Variants in TFAP2E observed in about 807,000 individuals in gnomAD.
TFAP2E encodes transcription factor AP-2-epsilon.
Under a neutral mutation model 37.9 loss-of-function variants are expected in TFAP2E, and 30 were observed. The observed-to-expected ratio is 0.79, with a 90% CI of 0.59 to 1.07. The LOEUF (loss-of-function observed/expected upper bound fraction) is 1.07. TFAP2E is among the 50% of genes least tolerant of loss of function. The probability of loss-of-function intolerance (pLI) is 0.00; values close to 1 mark genes in which losing one functional copy is unlikely to be tolerated. For synonymous variants in TFAP2E, 318 were observed against 295.8 expected (o/e 1.08, Z -0.77); for missense variants, 567 against 637.9 (o/e 0.89, Z 1.20).
At chr1:35,593,732 C>G (rs183244498) in intron 6 of TFAP2E, among the ~76,000 whole-genome samples, 1 of 152,254 alleles carries the variant, frequency 6.6e-6, no homozygotes, top group Non-Finnish European at 1.5e-5. Context: ...CATGGTGACA[C>G]AAAGATGAAT....
Position 35,586,472 on chromosome 1 carries a change from G to A in TFAP2E, c.563-1858G>A, listed in dbSNP as rs79262922. Among the ~76,000 whole-genome samples the A allele has an allele frequency of 9.9e-3, 1,514 of 152,288 alleles. 31 individuals carry two copies. The highest frequency in any genetic ancestry group is 0.035 in the African/African-American group (1,441 of 41,550). The stretch of plus-strand genomic sequence containing the variant: ...GGCTGCAGAATGATGCATTCAGATG[G>A]AAAGATCCCTCTGGACTGGGGCAGG... On this transcript the variant is annotated intron_variant, in intron 3 of 6. Coordinates refer to ENST00000373235, the MANE Select transcript of TFAP2E (RefSeq NM_178548.4).
intron 6 of TFAP2E, 35 bp from the exon 7 acceptor site, chr1:35,594,359 T>C (rs1254001380): frequency 6.3e-7 from 1 of 1,598,496 alleles, no homozygotes; most frequent in African/African-American, 1.4e-5. Flanking sequence ...CTCAGACTTT[T>C]GTCCTCCAAC....
chr1:35,591,673 C>G (rs549205220), intron 6 of TFAP2E, among the ~76,000 whole-genome samples: 79 of 152,276 alleles, frequency 5.2e-4, no homozygotes, highest in African/African-American at 1.9e-3. Flanking sequence ...AACTAGTATT[C>G]TATTAAGATT....
intron 3 of TFAP2E, among the ~76,000 whole-genome samples, chr1:35,579,686 C>T (rs892719462): frequency 1.3e-5 from 2 of 152,074 alleles, no homozygotes; most frequent in South Asian, 2.1e-4. Flanking sequence ...TGAGCCACCA[C>T]GCTTGGCCTT....
At chr1:35,581,665 T>C (rs1170273985) in intron 3 of TFAP2E, among the ~76,000 whole-genome samples, 2 of 151,820 alleles carry the variant, frequency 1.3e-5, no homozygotes, top group Admixed American at 6.6e-5. Context: ...CTCTGCCTCC[T>C]GGGTTCAAGT....
rs551288261 is a variant in TFAP2E at position 35,590,832 on chromosome 1, T to C, written c.1046+57T>C. On this transcript the variant is annotated intron_variant, in intron 6 of 6. Coordinates refer to ENST00000373235, the MANE Select transcript of TFAP2E (RefSeq NM_178548.4). The surrounding 1 kb of genome is among the most constrained non-coding windows in gnomAD (Gnocchi z 6.2). ...GGGTGCCATGCACAGACAGACATCATGTATGGGCACAATGGACACCACTGT... is the reference window on the plus strand; with the variant it reads ...GGGTGCCATGCACAGACAGACATCACGTATGGGCACAATGGACACCACTGT... The C allele has an allele frequency of 1.5e-6, 2 of 1,344,876 alleles. No homozygotes were observed. Among genetic ancestry groups the C allele is most frequent in the South Asian group, 2.1e-5 (1 of 47,010 alleles). 83.3% of individuals were successfully genotyped at this position (1,344,876 alleles called of 1,614,324 possible).
Position 35,594,433 on chromosome 1 carries a change from CCGCTCACCGCTGGGCAACA to C in TFAP2E, c.1087_1105del (p.Arg363AlafsTer15), listed in dbSNP as rs1360653077. 1 of 1,614,010 alleles carries C rather than the reference CCGCTCACCGCTGGGCAACA, an allele frequency of 6.2e-7. No individual in the cohort carries two copies. Among genetic ancestry groups the C allele is most frequent in the Non-Finnish European group, 8.5e-7 (1 of 1,180,038 alleles). The stretch of plus-strand genomic sequence containing the variant: ...AGTTTGCAGACTTGATGGCTCAGGA[CCGCTCACCGCTGGGCAACA>C]GCCGCCCAGCACTCATCCTGGAGCC... On this transcript the variant is annotated frameshift_variant, in exon 7 of 7. Transcript: ENST00000373235. LOFTEE classifies it high-confidence loss of function.
chr1:35,580,723 T>A (rs1449793672), intron 3 of TFAP2E, among the ~76,000 whole-genome samples: 1 of 150,870 alleles, frequency 6.6e-6, no homozygotes, highest in Non-Finnish European at 1.5e-5. Flanking sequence ...TGCAGTGAGC[T>A]GAGATTGCGC....
At chr1:35,580,648 G>T (rs1032915264) in intron 3 of TFAP2E, among the ~76,000 whole-genome samples, 25 of 151,962 alleles carry the variant, frequency 1.6e-4, no homozygotes, top group Non-Finnish European at 3.4e-4. Context: ...GGTGGCGGGC[G>T]CCTGTAGTCC....
rs749275483 is a variant in TFAP2E, at chr1:35,594,351, CAG to C, written c.1047-41_1047-40del. On this transcript the variant is annotated intron_variant, in intron 6 of 6. Coordinates refer to ENST00000373235, the MANE Select transcript of TFAP2E (RefSeq NM_178548.4). The stretch of plus-strand genomic sequence containing the variant: ...CATGTAGCAGGTCCTTCTCTGGGCT[CAG>C]ACTTTTGTCCTCCAACCTCTGACCC... 8 of 1,594,824 alleles carry C rather than the reference CAG, an allele frequency of 5.0e-6. No individual in the cohort carries two copies. In the East Asian group the frequency reaches 1.8e-4, roughly 36 times the overall value.
At chr1:35,586,007 C>T (rs143353185) in intron 3 of TFAP2E, among the ~76,000 whole-genome samples, 2,789 of 152,004 alleles carry the variant, frequency 0.018, 97 homozygotes, top group African/African-American at 0.063. Flanking sequence ...TGTGATTGTA[C>T]CACTGTACTC....
chr1:35,593,903 A>G (rs1649755951), intron 6 of TFAP2E, among the ~76,000 whole-genome samples: 1 of 152,224 alleles, frequency 6.6e-6, no homozygotes, highest in African/African-American at 2.4e-5. Context: ...GGGGATAATA[A>G]TAGTATAGAC....
chr1:35,575,033 G>A (rs746863788), intron 3 of TFAP2E, 33 bp downstream of exon 3: 9 of 1,613,342 alleles, frequency 5.6e-6, no homozygotes, highest in African/African-American at 1.3e-5. Context: ...AGAGCCCGGC[G>A]AGATGGTGCA....
intron 3 of TFAP2E, among the ~76,000 whole-genome samples, chr1:35,584,278 T>C (rs913704621): frequency 6.6e-6 from 1 of 152,128 alleles, no homozygotes; most frequent in African/African-American, 2.4e-5. Flanking sequence ...AAAAAAATTT[T>C]TTTTTGTAGA....
chr1:35,594,969 TG>T lies in TFAP2E; in HGVS notation c.*297del, dbSNP rs2148556239. 1 of 453,890 alleles carries T rather than the reference TG, an allele frequency of 2.2e-6. No individual in the cohort carries two copies. Among genetic ancestry groups the T allele is most frequent in the East Asian group, 4.5e-5 (1 of 22,382 alleles). The allele number at this position is 453,890 out of a possible 1,614,324, so 28.1% of individuals were successfully genotyped here. A position where few individuals can be genotyped will look rare whatever the true frequency, so the allele number is the denominator to read the frequency against. On this transcript the variant is annotated 3_prime_UTR_variant, in exon 7 of 7. Coordinates refer to ENST00000373235, the MANE Select transcript of TFAP2E (RefSeq NM_178548.4). Reference sequence around the variant, plus strand: ...AATTGACATGAAAAGATCTGGCTCATGGGGCAGAGCCCTTTCCATTAGCGTG... The same window carrying T: ...AATTGACATGAAAAGATCTGGCTCATGGGCAGAGCCCTTTCCATTAGCGTG...
rs377766083 is a variant in TFAP2E, at chr1:35,577,593, G to A, written c.562+2593G>A. The A allele has an allele frequency of 2.3e-3, 851 of 368,616 alleles. 11 individuals are homozygous for A. The highest frequency in any genetic ancestry group is 7.8e-3 in the South Asian group (409 of 52,372). 22.8% of individuals were successfully genotyped at this position (368,616 alleles called of 1,614,324 possible). ...CGGCGGCTGCGTCGCTGAAGGTTGG[G>A]GTCCTTGGTGCGAAAGGGAGGCAGC... On this transcript the variant is annotated intron_variant, in intron 3 of 6. Coordinates refer to ENST00000373235, the MANE Select transcript of TFAP2E (RefSeq NM_178548.4). This position sits in a 1 kb window ranked among gnomAD's most constrained non-coding sequence, Gnocchi z 6.3.
intron 3 of TFAP2E, among the ~76,000 whole-genome samples, chr1:35,579,325 G>A (rs537965658): frequency 4.0e-5 from 6 of 151,892 alleles, no homozygotes; most frequent in Admixed American, 2.0e-4. Flanking sequence ...GAACCTGCGG[G>A]GCGGAGGTTG....
chr1:35,593,238 G>C (rs1472194647), intron 6 of TFAP2E, among the ~76,000 whole-genome samples: 1 of 152,138 alleles, frequency 6.6e-6, no homozygotes, highest in Non-Finnish European at 1.5e-5. Flanking sequence ...CTACTCGGGA[G>C]GCTGAGGTTG....
intron 3 of TFAP2E, among the ~76,000 whole-genome samples, chr1:35,583,011 T>G (rs1649395442): frequency 6.6e-6 from 1 of 152,034 alleles, no homozygotes; most frequent in Non-Finnish European, 1.5e-5. Flanking sequence ...CAAGCGATTC[T>G]CCTGCCTCAG....
Sources: allele counts gnomAD v4.1 joint callset (sites outside exome capture counted in the v4.1 genomes callset), GRCh38; gene constraint gnomAD v4.1.1; non-coding constraint Gnocchi (gnomAD v3.1); transcripts MANE v1.5; gene names NCBI Gene and HGNC (gene_info 2026-07-23, HGNC 2026-07-21).